Variants in PRKD1 observed in about 807,000 individuals in gnomAD.
PRKD1 encodes serine/threonine-protein kinase D1.
Under a neutral mutation model 95.9 loss-of-function variants are expected in PRKD1, and 63 were observed. The observed-to-expected ratio is 0.66, with a 90% confidence interval of 0.54 to 0.81. The LOEUF is 0.81. PRKD1 is among the 30% of genes least tolerant of loss of function. The pLI, the probability that PRKD1 is intolerant of heterozygous loss-of-function variation, is 0.00. For missense variants in PRKD1, 1,048 were observed against 1,165.3 expected (o/e 0.90, Z 1.47); for synonymous variants, 425 against 423.1 (o/e 1.00, Z -0.05).
At chr14:29,885,140 A>G (rs1434207058) in intron 1 of PRKD1, among the ~76,000 whole-genome samples, 2 of 151,648 alleles carry the variant, frequency 1.3e-5, no homozygotes, top group African/African-American at 4.8e-5. Flanking sequence ...AAAAAAAAAA[A>G]AAAGAATTAG....
intron 1 of PRKD1, among the ~76,000 whole-genome samples, chr14:29,905,169 C>T (rs569057217): frequency 2.0e-5 from 3 of 152,200 alleles, no homozygotes; most frequent in Admixed American, 1.3e-4. Flanking sequence ...GGCGCTCAAC[C>T]GAGGGGATTG....
chr14:29,802,477 A>G (rs1381854533), intron 1 of PRKD1, among the ~76,000 whole-genome samples: 2 of 152,254 alleles, frequency 1.3e-5, no homozygotes, highest in African/African-American at 4.8e-5. Flanking sequence ...AGATAGATCT[A>G]AATGTGGTTT....
At chr14:29,737,445 C>T (rs1331014709) in intron 1 of PRKD1, among the ~76,000 whole-genome samples, 1 of 145,980 alleles carries the variant, frequency 6.9e-6, no homozygotes, top group Non-Finnish European at 1.5e-5. Flanking sequence ...TAATGGAATA[C>T]ATCAGGCAGT....
intron 1 of PRKD1, among the ~76,000 whole-genome samples, chr14:29,840,244 C>A (rs768151371): frequency 1.4e-4 from 21 of 152,136 alleles, no homozygotes; most frequent in Non-Finnish European, 2.6e-4. Context: ...GTTCAAAGTT[C>A]CACAAATCTC....
Position 29,826,128 on chromosome 14 carries a change from C to A in PRKD1, c.265-100454G>T, listed in dbSNP as rs866302654. Among the ~76,000 whole-genome samples the A allele has an allele frequency of 8.8e-5, 13 of 148,384 alleles. 1 individual carries two copies. Among genetic ancestry groups the A allele is most frequent in the Non-Finnish European group, 1.3e-4 (9 of 67,328 alleles). ...GTGGTATGTGTGTGTGTGTCTCTCT[C>A]TATATATATATATGGATGTACATAT... On this transcript the variant is annotated intron_variant, in intron 1 of 17. Transcript: ENST00000331968.
At chr14:29,731,612 C>G (rs916947203) in intron 1 of PRKD1, among the ~76,000 whole-genome samples, 10 of 151,986 alleles carry the variant, frequency 6.6e-5, no homozygotes, top group Admixed American at 1.3e-4. Context: ...TTCTGAAGCT[C>G]TGCTGTTAGG....
chr14:29,748,258 T>A (rs918043051), intron 1 of PRKD1, among the ~76,000 whole-genome samples: 1 of 152,142 alleles, frequency 6.6e-6, no homozygotes, highest in Non-Finnish European at 1.5e-5. Context: ...AAAGTTAATG[T>A]CTACAACCAA....
intron 1 of PRKD1, among the ~76,000 whole-genome samples, chr14:29,873,468 T>C (rs903795316): frequency 9.3e-5 from 10 of 107,912 alleles, no homozygotes; most frequent in Non-Finnish European, 1.5e-4. Flanking sequence ...AATCAGATTT[T>C]ACAAGAGGTT....
At chr14:29,864,992 C>T (rs2139366315) in intron 1 of PRKD1, among the ~76,000 whole-genome samples, 1 of 152,278 alleles carries the variant, frequency 6.6e-6, no homozygotes, top group African/African-American at 2.4e-5. Context: ...GTAGTATCCT[C>T]CTGTCTTTAA....
At chr14:29,596,996 GAAATAACCTAA>G (rs564041795) in intron 16 of PRKD1, among the ~76,000 whole-genome samples, 8 of 152,110 alleles carry the variant, frequency 5.3e-5, no homozygotes, top group Admixed American at 1.3e-4. Context: ...TAAACATAGA[GAAATAACCTAA>G]AAATTCCAGG....
Position 29,877,585 on chromosome 14 carries a change from T to C in PRKD1, c.264+49664A>G, listed in dbSNP as rs114892590. On this transcript the variant is annotated intron_variant, in intron 1 of 17. Transcript: ENST00000331968. ...GCCAGTTTCTATGTCCAGAATGGCA[T>C]TGCCAAGGTTGTCTTCCAGGGTTTT... 3.7e-3 allele frequency among the ~76,000 whole-genome samples: 569 copies of C among 152,376 alleles called. 3 individuals carry two copies. The highest frequency in any genetic ancestry group is 0.012 in the African/African-American group (511 of 41,592).
intron 2 of PRKD1, among the ~76,000 whole-genome samples, chr14:29,676,176 C>CTTTTTTTTTTTTTTTTTTT (rs1566532166): frequency 1.6e-5 from 1 of 62,244 alleles, no homozygotes; most frequent in Non-Finnish European, 3.1e-5. Flanking sequence ...TAGTTCATTA[C>CTTTTTTTTTTTTTTTTTTT]GTTTTTGTTT....
chr14:29,676,992 G>A (rs575675873), intron 2 of PRKD1, among the ~76,000 whole-genome samples: 2 of 152,288 alleles, frequency 1.3e-5, no homozygotes, highest in South Asian at 4.2e-4. Context: ...AGCTACATGT[G>A]ACTAGTGGTT....
At chr14:29,664,445 A>C (rs1882366009) in intron 3 of PRKD1, among the ~76,000 whole-genome samples, 1 of 152,174 alleles carries the variant, frequency 6.6e-6, no homozygotes, top group Non-Finnish European at 1.5e-5. Flanking sequence ...GGCAAGTGTC[A>C]GTTTCTTTTC....
At chr14:29,742,545 A>G (rs1051818355) in intron 1 of PRKD1, among the ~76,000 whole-genome samples, 1 of 152,202 alleles carries the variant, frequency 6.6e-6, no homozygotes, top group African/African-American at 2.4e-5. Flanking sequence ...TATAATTTAC[A>G]AAGACTAAAT....
chr14:29,851,429 C>A (rs1281407479), intron 1 of PRKD1, among the ~76,000 whole-genome samples: 1 of 151,972 alleles, frequency 6.6e-6, no homozygotes, highest in African/African-American at 2.4e-5. Context: ...AAGGCATAGA[C>A]AATTCTCATG....
intron 1 of PRKD1, among the ~76,000 whole-genome samples, chr14:29,851,030 A>G (rs1207238731): frequency 6.6e-6 from 1 of 152,188 alleles, no homozygotes; most frequent in Admixed American, 6.5e-5. Flanking sequence ...TGGTGGTGGC[A>G]TAACTGGCTA....
At chr14:29,788,257 T>C (rs1251185560) in intron 1 of PRKD1, among the ~76,000 whole-genome samples, 1 of 152,206 alleles carries the variant, frequency 6.6e-6, no homozygotes, top group Non-Finnish European at 1.5e-5. Flanking sequence ...CTCTTTCACT[T>C]GTAAGGTTTC....
chr14:29,863,931 G>T (rs1272552302), intron 1 of PRKD1, among the ~76,000 whole-genome samples: 2 of 151,984 alleles, frequency 1.3e-5, no homozygotes, highest in Non-Finnish European at 2.9e-5. Flanking sequence ...GCTACTTCTG[G>T]GAAACAATGT....
Sources: allele counts gnomAD v4.1 joint callset (sites outside exome capture counted in the v4.1 genomes callset), GRCh38; gene constraint gnomAD v4.1.1; transcripts MANE v1.5; gene names NCBI Gene and HGNC (gene_info 2026-07-23, HGNC 2026-07-21).